The following DCHS2 variants were observed in gnomAD, a reference collection of about 807,000 sequenced individuals.
DCHS2 encodes the protein protocadherin-23.
A neutral mutation model predicts 182.4 loss-of-function variants in DCHS2; 142 were observed. That is an observed-to-expected ratio of 0.78 (90% CI 0.68 to 0.89). DCHS2 has a LOEUF of 0.89. DCHS2 is among the 40% of genes least tolerant of loss of function. The pLI is 0.00. For synonymous variants in DCHS2, 1,740 were observed against 1,663.3 expected (o/e 1.05, Z -1.12); for missense variants, 4,319 against 4,198.6 (o/e 1.03, Z -0.79).
chr4:154,318,372 A>T (rs1242987462), intron 9 of DCHS2, among the ~76,000 whole-genome samples: 2 of 151,998 alleles, frequency 1.3e-5, no homozygotes, highest in Non-Finnish European at 2.9e-5. Flanking sequence ...AGAGGGTTTA[A>T]TTGAAAGTGG....
Position 154,305,144 on chromosome 4 carries a change from G to T in DCHS2, c.5348C>A (p.Thr1783Lys), listed in dbSNP as rs1735392462. The change falls in exon 11 of 20, where the codon ACA (threonine) becomes AAA (lysine). Residue 1783 changes from threonine (T) to lysine (K), a missense_variant. Coordinates refer to ENST00000357232, the MANE Select transcript of DCHS2 (RefSeq NM_001358235.2). ...AATTTCTCTGTCAAGTATGGTGGTT[G>T]TCACTACCTCTCCAGTGTCAGAATT... ...EINSDTGEVV[T>K]TTILDREIQE... 4 of 1,612,664 alleles carry T rather than the reference G, an allele frequency of 2.5e-6. No homozygotes were observed. The highest frequency in any genetic ancestry group is 1.7e-5 in the Admixed American group (1 of 59,952).
intron 14 of DCHS2, chr4:154,269,176 A>G (rs1314937200): frequency 6.6e-6 from 1 of 152,100 alleles, no homozygotes; most frequent in Non-Finnish European, 1.5e-5. Context: ...TCATAACACC[A>G]CCCTGGATGA....
intron 7 of DCHS2, chr4:154,323,221 T>TA (rs1305373053): frequency 1.9e-6 from 3 of 1,548,962 alleles, no homozygotes; most frequent in East Asian, 2.5e-5. Context: ...GAGGCAGATC[T>TA]AGAGAACTGA....
intron 13 of DCHS2, among the ~76,000 whole-genome samples, chr4:154,288,560 A>T (rs554818468): frequency 6.6e-6 from 1 of 152,278 alleles, no homozygotes; most frequent in South Asian, 2.1e-4. Flanking sequence ...ACCATATATC[A>T]AATGGACCCA....
At chr4:154,243,588 A>G (rs188799073) in intron 16 of DCHS2, among the ~76,000 whole-genome samples, 1 of 152,196 alleles carries the variant, frequency 6.6e-6, no homozygotes, top group East Asian at 1.9e-4. Flanking sequence ...TAATCAGCAC[A>G]TTTTGCTTTG....
intron 3 of DCHS2, among the ~76,000 whole-genome samples, chr4:154,360,662 G>A (rs2110753909): frequency 6.6e-6 from 1 of 152,222 alleles, no homozygotes; most frequent in South Asian, 2.1e-4. Context: ...TATAAAATCT[G>A]AGCATAAAAC....
chr4:154,393,919 A>G (rs2110855243), intron 1 of DCHS2, among the ~76,000 whole-genome samples: 1 of 152,326 alleles, frequency 6.6e-6, no homozygotes, highest in African/African-American at 2.4e-5. Context: ...AATATTTATG[A>G]TGCACATATG....
Position 154,490,730 on chromosome 4 carries a change from G to A in DCHS2, c.626C>T (p.Pro209Leu). ...TGCGGGGTCCTTGGGCAGGTCGGAC[G>A]GTTGCACCAGGGTGTAGCCCTGAGT... ...FSTQGYTLVQ[P>L]SDLPKDPAGP... Residue 209 changes from proline to leucine, a missense_variant, in exon 1 of 20, where the codon CCG (proline) becomes CTG (leucine). Coordinates refer to ENST00000357232, the MANE Select transcript of DCHS2 (RefSeq NM_001358235.2). The A allele has an allele frequency of 6.4e-7, 1 of 1,551,624 alleles. No homozygotes were observed. Among genetic ancestry groups the A allele is most frequent in the Non-Finnish European group, 8.7e-7 (1 of 1,146,918 alleles).
chr4:154,236,525 C>T lies in DCHS2; in HGVS notation c.8127G>A (p.Glu2709=), dbSNP rs1731515370. ...EIIYNIISGN[E]KGHFYLEENT... ...TTTCTTCTAAGTAAAAATGTCCCTT[C>T]TCATTTCCAGAGATGATGTTGTAGA... is the stretch of plus-strand genomic sequence containing the variant. The change falls in exon 20 of 20, where the codon GAG becomes GAA. Residue 2709 remains glutamate (E), a synonymous_variant. Coordinates refer to ENST00000357232, the MANE Select transcript of DCHS2 (RefSeq NM_001358235.2). 1 of 1,613,880 alleles carries T rather than the reference C, an allele frequency of 6.2e-7. No homozygotes were observed. Among genetic ancestry groups the T allele is most frequent in the Non-Finnish European group, 8.5e-7 (1 of 1,179,972 alleles).
intron 1 of DCHS2, among the ~76,000 whole-genome samples, chr4:154,414,374 A>C (rs1732747392): frequency 6.6e-6 from 1 of 151,956 alleles, no homozygotes; most frequent in Admixed American, 6.6e-5. Flanking sequence ...CAAAATGCTT[A>C]ACACTATAAA....
chr4:154,349,046 C>A (rs1729485217), intron 3 of DCHS2, among the ~76,000 whole-genome samples: 1 of 151,992 alleles, frequency 6.6e-6, no homozygotes. Flanking sequence ...ACAGTTAAAT[C>A]AGGCAGTTAA....
intron 3 of DCHS2, among the ~76,000 whole-genome samples, chr4:154,348,423 A>G (rs543889270): frequency 2.0e-5 from 3 of 152,146 alleles, no homozygotes; most frequent in South Asian, 4.1e-4. Flanking sequence ...TTATTTTAAG[A>G]TAACATAATT....
At chr4:154,389,532 A>G (rs1212794851) in intron 1 of DCHS2, among the ~76,000 whole-genome samples, 1 of 147,312 alleles carries the variant, frequency 6.8e-6, no homozygotes, top group Admixed American at 6.7e-5. Flanking sequence ...ATATATATAT[A>G]TATAACCTTT....
At chr4:154,239,391 C>A in intron 18 of DCHS2, 89 bp from the exon 19 acceptor site, 1 of 1,557,650 alleles carries the variant, frequency 6.4e-7, no homozygotes, top group Non-Finnish European at 8.6e-7. Context: ...TCATTTTATT[C>A]ATTTTGATTA....
rs114383414 is a variant in DCHS2, at chr4:154,316,112, A to G, written c.5021-125T>C. ...AGAAGTCTTAACTGCTAAAATATGA[A>G]CTGCATTAAATCATCTTTAAATGTA... On this transcript the variant is annotated intron_variant, in intron 9 of 19. Coordinates refer to ENST00000357232, the MANE Select transcript of DCHS2 (RefSeq NM_001358235.2). 1.0e-3 allele frequency: 1,440 copies of G among 1,420,694 alleles called. 17 individuals carry two copies. In the African/African-American group the frequency reaches 0.018, roughly 18 times the overall value. The allele number at this position is 1,420,694 out of a possible 1,614,324, so 88.0% of individuals were successfully genotyped here.
chr4:154,402,389 A>G (rs1048054155), intron 1 of DCHS2, among the ~76,000 whole-genome samples: 1 of 152,240 alleles, frequency 6.6e-6, no homozygotes, highest in Non-Finnish European at 1.5e-5. Flanking sequence ...TTTAGAATCA[A>G]CTCACAACTT....
intron 16 of DCHS2, among the ~76,000 whole-genome samples, chr4:154,253,170 G>GGAGAGA (rs150322346): frequency 2.5e-4 from 37 of 147,700 alleles, no homozygotes; most frequent in African/African-American, 6.3e-4. Context: ...TGGTGATGCT[G>GGAGAGA]GAGAGAGAGA....
At chr4:154,354,326 C>T (rs1729763007) in intron 3 of DCHS2, among the ~76,000 whole-genome samples, 1 of 152,152 alleles carries the variant, frequency 6.6e-6, no homozygotes, top group Non-Finnish European at 1.5e-5. Context: ...TTCCCCTGTC[C>T]TCTCATCTAA....
intron 1 of DCHS2, among the ~76,000 whole-genome samples, chr4:154,466,179 C>T (rs1579109368): frequency 6.6e-6 from 1 of 152,158 alleles, no homozygotes; most frequent in Admixed American, 6.5e-5. Context: ...ACTAGCTCCT[C>T]TCAGACATCA....
Sources: gnomAD v4.1 joint callset for allele counts (sites outside exome capture counted in the v4.1 genomes callset) on GRCh38, gnomAD v4.1.1 for gene constraint, MANE v1.5 for transcripts, NCBI Gene and HGNC (gene_info 2026-07-23, HGNC 2026-07-21) for gene names.